SLC34A2: variants seen among roughly 807,000 people sequenced by gnomAD.
SLC34A2 encodes solute carrier family 34 member 2, also known as sodium-dependent phosphate transport protein 2B.
In SLC34A2, 41 loss-of-function variants were observed where a neutral mutation model predicts 50.8. The observed-to-expected ratio is 0.81, with a 90% CI of 0.63 to 1.05. The LOEUF (loss-of-function observed/expected upper bound fraction) is 1.05, where lower values mean the gene tolerates loss of function less well. Among genes scored for constraint, SLC34A2 ranks in the 50% least tolerant of loss-of-function variants. SLC34A2 has a pLI of 0.00. For missense variants in SLC34A2, 879 were observed against 876.7 expected (o/e 1.00, Z -0.03); for synonymous variants, 401 against 364.2 (o/e 1.10, Z -1.15).
chr4:25,671,714 C>T lies in SLC34A2; in HGVS notation c.1041C>T (p.Ile347=), dbSNP rs756443417. 1.1e-5 allele frequency: 18 copies of T among 1,614,086 alleles called. No individual in the cohort carries two copies. Among genetic ancestry groups the T allele is most frequent in the Middle Eastern group, 3.3e-4 (2 of 6,084 alleles). The change falls in exon 9 of 13, where the codon ATC becomes ATT. Residue 347 remains isoleucine, a synonymous_variant. Coordinates refer to ENST00000382051, the MANE Select transcript of SLC34A2 (RefSeq NM_006424.3). ...TMKNVTYKEN[I]AKCQHIFVNF... Reference sequence around the variant, plus strand: ...AGAATGTGACCTACAAGGAGAACATCGCCAAATGTGAGTGGAGCTCAGTGG... The same window carrying T: ...AGAATGTGACCTACAAGGAGAACATTGCCAAATGTGAGTGGAGCTCAGTGG...
chr4:25,670,032 G>A (rs1413551503), intron 7 of SLC34A2, among the ~76,000 whole-genome samples, 190 bp downstream of exon 7: 1 of 152,150 alleles, frequency 6.6e-6, no homozygotes, highest in Non-Finnish European at 1.5e-5. Context: ...AGACCAGCCT[G>A]GCCAACATGG....
At position 25,669,759 on chromosome 4, in the gene SLC34A2, G is replaced by A. The variant is rs1334997978; in HGVS notation, c.748G>A (p.Glu250Lys). 1 of 1,614,148 alleles carries A rather than the reference G, an allele frequency of 6.2e-7. No homozygotes were observed. ...CGAGATCATAACCCAGCTTATAGTG[G>A]AGAGCTTCCACTTCAAGAATGGAGA... is the stretch of plus-strand genomic sequence containing the variant. ...YLEIITQLIV[E>K]SFHFKNGEDA... is the part of the protein sequence containing the mutation. Residue 250 changes from glutamate to lysine, a missense_variant, in exon 7 of 13, where the codon GAG becomes AAG. Physicochemically the swap from Glu to Lys is moderately conservative, Grantham distance 56 (BLOSUM62 1). Coordinates refer to ENST00000382051, the MANE Select transcript of SLC34A2 (RefSeq NM_006424.3).
chr4:25,673,210 T>C lies in SLC34A2; in HGVS notation c.1172T>C (p.Leu391Pro). 1 of 1,614,094 alleles carries C rather than the reference T, an allele frequency of 6.2e-7. No homozygotes were observed. The highest frequency in any genetic ancestry group is 8.5e-7 in the Non-Finnish European group (1 of 1,180,042). ...IMIVKILGSV[L>P]KGQVATVIKK... is the part of the protein sequence containing the mutation. ...ATTGTCAAGATCCTGGGCTCTGTGC[T>C]CAAGGGGCAGGTCGCCACTGTCATC... The change falls in exon 10 of 13, where the codon CTC becomes CCC. Residue 391 changes from leucine to proline, a missense_variant. Coordinates refer to ENST00000382051, the MANE Select transcript of SLC34A2 (RefSeq NM_006424.3).
chr4:25,669,486 TG>T (rs1199110522), intron 6 of SLC34A2, among the ~76,000 whole-genome samples, 160 bp from the exon 7 acceptor site: 1 of 152,210 alleles, frequency 6.6e-6, no homozygotes, highest in Non-Finnish European at 1.5e-5. Context: ...CCAGCCACTT[TG>T]GGGATCGATA....
chr4:25,670,987 A>G (rs1714785012), intron 8 of SLC34A2, among the ~76,000 whole-genome samples, 154 bp downstream of exon 8: 1 of 152,222 alleles, frequency 6.6e-6, no homozygotes, highest in Non-Finnish European at 1.5e-5. Flanking sequence ...ATGCCTTTAG[A>G]AAACAAGTCC....
intron 4 of SLC34A2, 57 bp from the exon 5 acceptor site, chr4:25,666,071 C>A: frequency 6.2e-7 from 1 of 1,603,382 alleles, no homozygotes; most frequent in Non-Finnish European, 8.5e-7. Flanking sequence ...TCAGTGCCCA[C>A]CTAATCCCCC....
chr4:25,673,715 G>A (rs1273955233), intron 10 of SLC34A2, among the ~76,000 whole-genome samples: 2 of 152,118 alleles, frequency 1.3e-5, no homozygotes, highest in African/African-American at 4.8e-5. Context: ...GGGTGTCCTG[G>A]CCAATGAGAG....
chr4:25,667,482 A>C (rs925853463), intron 5 of SLC34A2, among the ~76,000 whole-genome samples: 14 of 152,260 alleles, frequency 9.2e-5, no homozygotes, highest in African/African-American at 3.4e-4. Flanking sequence ...ACTGCTCTCC[A>C]GCCTGGGAGA....
In SLC34A2 at chr4:25,660,251, G is replaced by A. The variant is rs112771409; in HGVS notation, c.-3-2247G>A. 2.8e-3 allele frequency among the ~76,000 whole-genome samples: 427 copies of A among 152,298 alleles called. 1 individual carries two copies. Among genetic ancestry groups the A allele is most frequent in the African/African-American group, 9.6e-3 (401 of 41,564 alleles). On this transcript the variant is annotated intron_variant, in intron 1 of 12. Transcript: ENST00000382051. The stretch of plus-strand genomic sequence containing the variant: ...TCTGGTAAGCAGGAAATAGGTTGAC[G>A]AAGAAAGGAGTCAGGTGGACTCAGG...
At chr4:25,675,932 A>C (rs1448027224) in intron 12 of SLC34A2, among the ~76,000 whole-genome samples, 1 of 152,302 alleles carries the variant, frequency 6.6e-6, no homozygotes, top group South Asian at 2.1e-4. Flanking sequence ...TGCACAGTTG[A>C]GTGCTCCTGG....
intron 1 of SLC34A2, among the ~76,000 whole-genome samples, chr4:25,661,092 A>G (rs1714158627): frequency 6.6e-6 from 1 of 152,238 alleles, no homozygotes. Flanking sequence ...CTAACAAAGG[A>G]TGATTAATCC....
chr4:25,676,785 C>A lies in SLC34A2; in HGVS notation c.*36C>A. 6.2e-7 allele frequency: 1 copy of A among 1,613,194 alleles called. No individual in the cohort carries two copies. Among genetic ancestry groups the A allele is most frequent in the South Asian group, 1.1e-5 (1 of 90,962 alleles). On this transcript the variant is annotated 3_prime_UTR_variant, in exon 13 of 13. Coordinates refer to ENST00000382051, the MANE Select transcript of SLC34A2 (RefSeq NM_006424.3). ...AGATTGTCAGGGATGGGGGGATGGT[C>A]CTTGAGTTTTGCATGCTCTCCTCCC...
Position 25,678,744 on chromosome 4 carries a change from CA to C in SLC34A2, c.*1999del, listed in dbSNP as rs1715290190. The C allele has an allele frequency of 1.9e-6, 1 of 523,774 alleles. No homozygotes were observed. Among genetic ancestry groups the C allele is most frequent in the Admixed American group, 2.8e-5 (1 of 35,126 alleles). The allele number at this position is 523,774 out of a possible 1,614,324, so 32.4% of individuals were successfully genotyped here. On this transcript the variant is annotated 3_prime_UTR_variant, in exon 13 of 13. Transcript: ENST00000382051. ...AAGGGAGAAATAAAATCATCAAACC[CA>C]AAAGGAGTGTGTTGTTTTTAATTAC...
chr4:25,666,852 T>C (rs987790620), intron 5 of SLC34A2: 2 of 152,766 alleles, frequency 1.3e-5, no homozygotes, highest in Non-Finnish European at 2.9e-5. Context: ...TGCAGCTACG[T>C]TGGACAGACC....
At chr4:25,667,766 T>G (rs945305329) in intron 5 of SLC34A2, 114 bp from the exon 6 acceptor site, 4 of 730,378 alleles carry the variant, frequency 5.5e-6, no homozygotes, top group Non-Finnish European at 9.9e-6. Flanking sequence ...AGTTTAAGAA[T>G]TCACTTGCAT....
At chr4:25,666,024 C>T (rs1197357762) in intron 4 of SLC34A2, 104 bp from the exon 5 acceptor site, 1 of 1,466,342 alleles carries the variant, frequency 6.8e-7, no homozygotes, top group African/African-American at 1.4e-5. Context: ...CTCTGCAACC[C>T]ACAGCCAGCT....
At chr4:25,674,481 G>A (rs377422596) in intron 11 of SLC34A2, 24 bp from the exon 12 acceptor site, 19 of 1,614,202 alleles carry the variant, frequency 1.2e-5, no homozygotes, top group Admixed American at 3.3e-5. Flanking sequence ...GGGCTGATAT[G>A]TTTGTGTTTT....
chr4:25,675,190 C>T (rs1715048316), intron 12 of SLC34A2, among the ~76,000 whole-genome samples: 1 of 152,148 alleles, frequency 6.6e-6, no homozygotes, highest in Non-Finnish European at 1.5e-5. Flanking sequence ...TGCCACCACA[C>T]CTGGCTGATT....
At chr4:25,666,050 C>T in intron 4 of SLC34A2, 78 bp from the exon 5 acceptor site, 2 of 1,581,306 alleles carry the variant, frequency 1.3e-6, no homozygotes, top group Non-Finnish European at 1.7e-6. Flanking sequence ...TGGATGGAGA[C>T]TTCTGTTTAC....
Sources: allele counts gnomAD v4.1 joint callset (sites outside exome capture counted in the v4.1 genomes callset), GRCh38; gene constraint gnomAD v4.1.1; transcripts MANE v1.5; gene names NCBI Gene and HGNC (gene_info 2026-07-23, HGNC 2026-07-21).